The following TEX11 variants were observed in gnomAD, a reference collection of about 807,000 sequenced individuals.
The protein encoded by TEX11 is testis-expressed protein 11.
TEX11 carries 7 observed loss-of-function variants against 84.4 expected under a neutral mutation model. The ratio of observed to expected loss-of-function variants is 0.08; its 90% CI spans 0.05 to 0.16. The LOEUF is 0.16. TEX11 is among the 10% of genes least tolerant of loss of function. TEX11 has a pLI of 1.00. For missense variants in TEX11, 551 were observed against 660.5 expected (o/e 0.83, Z 1.82); for synonymous variants, 264 against 222.8 (o/e 1.18, Z -1.64).
intron 13 of TEX11, among the ~76,000 whole-genome samples, chrX:70,700,944 G>A (rs927911429): frequency 8.9e-6 from 1 of 111,978 alleles, no homozygotes; most frequent in East Asian, 2.8e-4. Context: ...CCAGAGCAAC[G>A]TCCTAACTCT....
chrX:70,698,037 T>C (rs1298094062), intron 13 of TEX11, among the ~76,000 whole-genome samples: 1 of 111,520 alleles, frequency 9.0e-6, no homozygotes, highest in Non-Finnish European at 1.9e-5. Context: ...GTAAATAATA[T>C]GTACATTTTT....
chrX:70,902,499 G>T (rs1285210870), intron 2 of TEX11, among the ~76,000 whole-genome samples: 1 of 111,413 alleles, frequency 9.0e-6, no homozygotes, highest in African/African-American at 3.3e-5. Flanking sequence ...TTAGCTTACT[G>T]TAACTTTTTT....
Position 70,529,119 on chromosome X carries a change from A to C in TEX11, c.2754T>G (p.His918Gln), listed in dbSNP as rs2087851500. Residue 918 changes from histidine (H) to glutamine (Q), a missense_variant, in exon 30 of 30, where the codon CAT becomes CAG. Transcript: ENST00000374333. ...CCTAATCTGACTTGCTCCAGTAGCCATGTTCATGAAAAACTGGGCCCTTGT... is the reference window on the plus strand; with the variant it reads ...CCTAATCTGACTTGCTCCAGTAGCCCTGTTCATGAAAAACTGGGCCCTTGT... ...SNNKGPVFHEHGYWSKSD is the reference protein window; with the variant it reads ...SNNKGPVFHEQGYWSKSD 5 of 1,208,458 alleles carry C rather than the reference A, an allele frequency of 4.1e-6. No homozygotes were observed. The highest frequency in any genetic ancestry group is 4.5e-6 in the Non-Finnish European group (4 of 893,957).
chrX:70,696,010 T>C (rs1461087593), intron 13 of TEX11, among the ~76,000 whole-genome samples: 1 of 111,995 alleles, frequency 8.9e-6, no homozygotes, highest in Non-Finnish European at 1.9e-5. Context: ...TTAATAATAA[T>C]GATCATTTTT....
At chrX:70,774,935 T>C (rs1407308513) in intron 9 of TEX11, among the ~76,000 whole-genome samples, 1 of 111,682 alleles carries the variant, frequency 9.0e-6, no homozygotes, top group Non-Finnish European at 1.9e-5. Context: ...CAGCATCATA[T>C]TACCTGACTC....
At chrX:70,567,241 G>A (rs5936925) in intron 25 of TEX11, among the ~76,000 whole-genome samples, 3 of 108,875 alleles carry the variant, frequency 2.8e-5, no homozygotes, top group Non-Finnish European at 1.9e-5. Context: ...CTGTGGGATC[G>A]GTGGTGATAT....
At chrX:70,651,356 T>C in intron 17 of TEX11, 94 bp downstream of exon 17, 1 of 545,361 alleles carries the variant, frequency 1.8e-6, no homozygotes, top group East Asian at 4.0e-5. Context: ...AATTCTATTG[T>C]CTTAAAAACA....
chrX:70,876,681 G>A (rs2091656841), intron 3 of TEX11, among the ~76,000 whole-genome samples: 2 of 111,521 alleles, frequency 1.8e-5, no homozygotes, highest in Non-Finnish European at 3.8e-5. Flanking sequence ...CTAACACTGG[G>A]AGGCCAAAGA....
At chrX:70,725,379 T>C (rs370005670) in intron 11 of TEX11, 36 bp from the exon 12 acceptor site, 10 of 1,025,177 alleles carry the variant, frequency 9.8e-6, no homozygotes, top group Non-Finnish European at 1.2e-5. Context: ...GATATTAAAA[T>C]TGTGGAATGT....
chrX:70,747,033 T>A (rs1444012426), intron 9 of TEX11, among the ~76,000 whole-genome samples: 1 of 111,819 alleles, frequency 8.9e-6, no homozygotes, highest in African/African-American at 3.2e-5. Flanking sequence ...TAAGCTAAGA[T>A]CCAGGGAACC....
intron 16 of TEX11, among the ~76,000 whole-genome samples, chrX:70,662,623 G>C (rs1282303226): frequency 9.0e-6 from 1 of 111,287 alleles, no homozygotes; most frequent in Non-Finnish European, 1.9e-5. Context: ...GAGAAAGGTC[G>C]GGTTACCCAC....
At chrX:70,693,114 G>A (rs898572420) in intron 13 of TEX11, among the ~76,000 whole-genome samples, 2 of 111,285 alleles carry the variant, frequency 1.8e-5, no homozygotes, top group Non-Finnish European at 3.8e-5. Flanking sequence ...GGTGGTGCAC[G>A]CCTGTAATCC....
At chrX:70,867,638 A>G (rs1774564435) in intron 4 of TEX11, among the ~76,000 whole-genome samples, 1 of 111,645 alleles carries the variant, frequency 9.0e-6, no homozygotes, top group Non-Finnish European at 1.9e-5. Flanking sequence ...ACAAGGCTAC[A>G]GTAACCAAAA....
At chrX:70,605,267 CTT>C (rs1175304970) in intron 24 of TEX11, 132 bp downstream of exon 24, 8 of 401,967 alleles carry the variant, frequency 2.0e-5, no homozygotes, top group Non-Finnish European at 3.0e-5. Flanking sequence ...CCATTACAAA[CTT>C]TTGAAATCAA....
intron 7 of TEX11, among the ~76,000 whole-genome samples, chrX:70,836,109 CAAAAAAAAAA>C (rs35496948): frequency 4.7e-4 from 35 of 74,039 alleles, no homozygotes; most frequent in Non-Finnish European, 7.8e-4. Context: ...GACTCTGTCT[CAAAAAAAAAA>C]AAAAAAAAGA....
At chrX:70,864,445 A>C (rs1022672569) in intron 4 of TEX11, among the ~76,000 whole-genome samples, 2 of 111,057 alleles carry the variant, frequency 1.8e-5, no homozygotes, top group African/African-American at 6.5e-5. Flanking sequence ...TTTTTAAAGA[A>C]AAGAATTTTC....
chrX:70,549,427 A>T (rs1405936481), intron 28 of TEX11, among the ~76,000 whole-genome samples: 1 of 111,468 alleles, frequency 9.0e-6, no homozygotes, highest in African/African-American at 3.3e-5. Context: ...CTTAGATATC[A>T]ACTCAGCCAC....
chrX:70,833,539 C>T lies in TEX11; in HGVS notation c.580G>A (p.Asp194Asn), dbSNP rs1414528872. The T allele has an allele frequency of 8.3e-7, 1 of 1,205,235 alleles. No individual in the cohort carries two copies. Among genetic ancestry groups the T allele is most frequent in the Admixed American group, 2.2e-5 (1 of 44,803 alleles). ...ATCTGGGGGAGCCTCATCAACATAT[C>T]TTTACATTGCAGTACACACATAGAT... ...RASMCVLQCK[D>N]MLMRLPQMTS... Residue 194 changes from aspartate (D) to asparagine (N), a missense_variant, in exon 8 of 30, where the codon GAT (aspartate) becomes AAT (asparagine). Physicochemically the swap from Asp to Asn is conservative, Grantham distance 23. Transcript: ENST00000374333.
chrX:70,694,055 CT>C (rs1947522524), intron 13 of TEX11, among the ~76,000 whole-genome samples: 1 of 110,518 alleles, frequency 9.0e-6, no homozygotes, highest in South Asian at 3.9e-4. Context: ...CTTTTCTTTT[CT>C]TTTTTGTGAG....
Sources: allele counts gnomAD v4.1 joint callset (sites outside exome capture counted in the v4.1 genomes callset), GRCh38; gene constraint gnomAD v4.1.1; transcripts MANE v1.5; gene names NCBI Gene and HGNC (gene_info 2026-07-23, HGNC 2026-07-21).